Variants in CCSER2 observed in about 807,000 individuals in gnomAD.
The protein encoded by CCSER2 is serine-rich coiled-coil domain-containing protein 2.
A neutral mutation model predicts 92.3 loss-of-function variants in CCSER2; 46 were observed. That is an observed-to-expected ratio of 0.50 (90% CI 0.39 to 0.64). The LOEUF (loss-of-function observed/expected upper bound fraction) is 0.64. Among genes scored for constraint, CCSER2 ranks in the 30% least tolerant of loss-of-function variants. CCSER2 has a pLI of 0.00. For missense variants in CCSER2, 1,244 were observed against 1,238.9 expected (o/e 1.00, Z -0.06); for synonymous variants, 433 against 431.4 (o/e 1.00, Z -0.04).
intron 3 of CCSER2, among the ~76,000 whole-genome samples, chr10:84,393,059 G>A (rs1161731163): frequency 1.3e-5 from 2 of 152,016 alleles, no homozygotes; most frequent in East Asian, 3.8e-4. Context: ...TACCAATTTA[G>A]TGTAGCCCTG....
intron 9 of CCSER2, among the ~76,000 whole-genome samples, chr10:84,500,787 A>G (rs181822025): frequency 3.3e-4 from 51 of 152,358 alleles, no homozygotes; most frequent in Middle Eastern, 6.8e-3. Flanking sequence ...AGGATTTATC[A>G]TGATTTGTGA....
intron 1 of CCSER2, among the ~76,000 whole-genome samples, chr10:84,363,021 A>AT (rs1472734960): frequency 8.6e-6 from 1 of 116,188 alleles, no homozygotes; most frequent in African/African-American, 3.3e-5. Context: ...TTTTTTTTGT[A>AT]TTTTTAGTAG....
intron 9 of CCSER2, among the ~76,000 whole-genome samples, chr10:84,512,061 A>G (rs1161364274): frequency 6.6e-6 from 1 of 152,000 alleles, no homozygotes; most frequent in Non-Finnish European, 1.5e-5. Context: ...ATAGCCAACC[A>G]TCCTCCATGA....
chr10:84,332,426 A>ATG (rs1564571610), intron 1 of CCSER2, among the ~76,000 whole-genome samples: 1 of 77,992 alleles, frequency 1.3e-5, no homozygotes, highest in African/African-American at 6.6e-5. Context: ...ATATATATAT[A>ATG]TATATATATA....
intron 3 of CCSER2, among the ~76,000 whole-genome samples, chr10:84,408,931 A>G (rs963998998): frequency 6.6e-6 from 1 of 152,200 alleles, no homozygotes; most frequent in Non-Finnish European, 1.5e-5. Flanking sequence ...ATGAGAAAAC[A>G]TAGGTACTGT....
Position 84,340,298 on chromosome 10 carries a change from T to C in CCSER2, c.-40+11490T>C, listed in dbSNP as rs17103359. ...GAGGTTTTTTTGTTATAGTATTTGC[T>C]GTATTTTACTGTTTGTTTTCGTGAC... On this transcript the variant is annotated intron_variant, in intron 1 of 9. Coordinates refer to ENST00000372088, the MANE Select transcript of CCSER2 (RefSeq NM_001284240.2). Among the ~76,000 whole-genome samples the C allele has an allele frequency of 4.3e-3, 658 of 152,346 alleles. 6 individuals carry two copies. Among genetic ancestry groups the C allele is most frequent in the African/African-American group, 0.015 (616 of 41,576 alleles).
intron 3 of CCSER2, among the ~76,000 whole-genome samples, chr10:84,412,300 C>A (rs940237806): frequency 2.0e-5 from 3 of 151,974 alleles, no homozygotes; most frequent in Non-Finnish European, 4.4e-5. Flanking sequence ...TGATGGTGAC[C>A]TCATAGAATG....
At position 84,371,396 on chromosome 10, in the gene CCSER2, A is replaced by G. The variant is rs1846052729; in HGVS notation, c.344A>G (p.Lys115Arg). 1.2e-6 allele frequency: 2 copies of G among 1,613,540 alleles called. No homozygotes were observed. The highest frequency in any genetic ancestry group is 2.7e-5 in the African/African-American group (2 of 75,012). Residue 115 changes from lysine to arginine, a missense_variant, in exon 2 of 10, where the codon AAA (lysine) becomes AGA (arginine). By Grantham distance (26) the Lys-to-Arg change is conservative. Transcript: ENST00000372088. ...FDKNGIKGGLKSVSLFTSKLA... is the reference protein window; with the variant it reads ...FDKNGIKGGLRSVSLFTSKLA... ...AAAAATGGGATAAAGGGAGGTTTGAAAAGTGTTTCTTTATTCACATCAAAG... is the reference window on the plus strand; with the variant it reads ...AAAAATGGGATAAAGGGAGGTTTGAGAAGTGTTTCTTTATTCACATCAAAG...
chr10:84,420,357 TAAAG>T (rs1295715343), intron 4 of CCSER2, among the ~76,000 whole-genome samples: 1 of 152,188 alleles, frequency 6.6e-6, no homozygotes, highest in East Asian at 1.9e-4. Context: ...AAAGGAACAT[TAAAG>T]AAAGCATGTA....
At chr10:84,469,483 A>G (rs758998498) in intron 7 of CCSER2, among the ~76,000 whole-genome samples, 1 of 152,118 alleles carries the variant, frequency 6.6e-6, no homozygotes, top group Non-Finnish European at 1.5e-5. Context: ...TAAAGAGAAT[A>G]TATGTTTTTG....
chr10:84,486,663 A>G (rs1166291243), intron 9 of CCSER2, among the ~76,000 whole-genome samples: 3 of 152,106 alleles, frequency 2.0e-5, no homozygotes, highest in African/African-American at 4.8e-5. Flanking sequence ...AGATGAGTAG[A>G]TTGCAAAAAT....
chr10:84,364,118 T>A (rs971029378), intron 1 of CCSER2, among the ~76,000 whole-genome samples: 1 of 152,212 alleles, frequency 6.6e-6, no homozygotes, highest in East Asian at 1.9e-4. Flanking sequence ...GGCACTTGAA[T>A]GGAGCTTACA....
At chr10:84,354,098 C>T (rs565268443) in intron 1 of CCSER2, among the ~76,000 whole-genome samples, 1 of 152,160 alleles carries the variant, frequency 6.6e-6, no homozygotes, top group South Asian at 2.1e-4. Flanking sequence ...ACTGGGGAGG[C>T]TGAGGCGGGA....
In CCSER2 at chr10:84,334,371, A is replaced by G. The variant is rs117512567; in HGVS notation, c.-40+5563A>G. Among the ~76,000 whole-genome samples the G allele has an allele frequency of 6.0e-3, 907 of 152,232 alleles. 5 individuals carry two copies. The highest frequency in any genetic ancestry group is 7.5e-3 in the Non-Finnish European group (513 of 68,016). On this transcript the variant is annotated intron_variant, in intron 1 of 9. Transcript: ENST00000372088. ...CCTATTGAGATCAACCAATGAGAAC[A>G]GTCCTTTCTTTTTAAGTGAATTGAC...
At chr10:84,464,845 T>C (rs377430678) in intron 7 of CCSER2, among the ~76,000 whole-genome samples, 1 of 152,212 alleles carries the variant, frequency 6.6e-6, no homozygotes. Flanking sequence ...GTGGCACATA[T>C]CACTTTCAAA....
At chr10:84,385,755 CTT>C (rs963215110) in intron 3 of CCSER2, among the ~76,000 whole-genome samples, 3 of 151,896 alleles carry the variant, frequency 2.0e-5, no homozygotes, top group African/African-American at 7.3e-5. Flanking sequence ...ATAAATGGGA[CTT>C]AATTAAGCTT....
chr10:84,347,776 C>G, intron 1 of CCSER2, among the ~76,000 whole-genome samples: 1 of 150,570 alleles, frequency 6.6e-6, no homozygotes, highest in South Asian at 2.1e-4. Context: ...CCTTCTCAGA[C>G]GGGGCGGCTG....
chr10:84,516,883 A>G lies in CCSER2; in HGVS notation c.*2616A>G, dbSNP rs1849615998. ...TAATATATTAAAAGAAAACAAATCT[A>G]GGATGCTTGCATGACATAAAGTATT... On this transcript the variant is annotated 3_prime_UTR_variant, in exon 10 of 10. Transcript: ENST00000372088. 1 of 152,170 alleles carries G rather than the reference A, an allele frequency of 6.6e-6. No homozygotes were observed. The highest frequency in any genetic ancestry group is 2.4e-5 in the African/African-American group (1 of 41,446). 9.4% of individuals were successfully genotyped at this position (152,170 alleles called of 1,614,324 possible).
chr10:84,507,800 C>T (rs1849145306), intron 9 of CCSER2, among the ~76,000 whole-genome samples: 1 of 152,054 alleles, frequency 6.6e-6, no homozygotes, highest in Non-Finnish European at 1.5e-5. Context: ...TGCCTTTTTT[C>T]ATGTTCATTA....
Sources: gnomAD v4.1 joint callset for allele counts (sites outside exome capture counted in the v4.1 genomes callset) on GRCh38, gnomAD v4.1.1 for gene constraint, MANE v1.5 for transcripts, NCBI Gene and HGNC (gene_info 2026-07-23, HGNC 2026-07-21) for gene names.